Variants in SCN11A observed in about 807,000 individuals in gnomAD.
SCN11A encodes the protein sodium channel protein type 11 subunit alpha.
A neutral mutation model predicts 162.2 loss-of-function variants in SCN11A; 122 were observed. The observed-to-expected ratio is 0.75, with a 90% CI of 0.65 to 0.87. SCN11A has a LOEUF of 0.87. SCN11A is among the 40% of genes least tolerant of loss of function. The pLI is 0.00. For synonymous variants in SCN11A, 758 were observed against 751.5 expected (o/e 1.01, Z -0.14); for missense variants, 2,015 against 2,181.6 (o/e 0.92, Z 1.52).
chr3:38,950,440 G>T (rs2066595914), intron 4 of SCN11A, 71 bp from the exon 5 acceptor site: 11 of 1,486,948 alleles, frequency 7.4e-6, no homozygotes, highest in Non-Finnish European at 9.3e-6. Flanking sequence ...CCTGCCCTAG[G>T]ATTCCAGTCT....
rs549655375 is a variant in SCN11A, at chr3:39,049,221, G to A, written c.-404+2640C>T. On this transcript the variant is annotated intron_variant, in intron 1 of 29. Coordinates refer to ENST00000302328, the MANE Select transcript of SCN11A (RefSeq NM_001349253.2). ...TATCAAAAAGGGTTATCTCCCAGAA[G>A]GCACCATAGCTAAGTCTTCAATATA... Among the ~76,000 whole-genome samples the A allele has an allele frequency of 9.3e-4, 141 of 152,342 alleles. 1 individual carries two copies. The highest frequency in any genetic ancestry group is 3.4e-3 in the African/African-American group (140 of 41,578).
At chr3:38,866,206 CTT>C (rs35620716) in intron 27 of SCN11A, among the ~76,000 whole-genome samples, 5 of 143,574 alleles carry the variant, frequency 3.5e-5, no homozygotes, top group East Asian at 2.0e-4. Context: ...CTGAGAATTC[CTT>C]TTTTTTTTTT....
At chr3:38,922,264 T>G (rs1026220050) in intron 9 of SCN11A, among the ~76,000 whole-genome samples, 1 of 152,214 alleles carries the variant, frequency 6.6e-6, no homozygotes, top group Non-Finnish European at 1.5e-5. Context: ...TAACACCAGA[T>G]AGCAGGAACC....
Position 38,950,330 on chromosome 3 carries a change from T to C in SCN11A, c.33A>G (p.Pro11=). MDDRCYPVIF[P]DERNFRPFTS... is the part of the protein sequence containing the mutation. ...TGAAGGGGCGGAAATTCCGCTCATC[T>C]GGAAAGATTACTGGGTAGCATCTGT... Residue 11 remains proline, a synonymous_variant, in exon 5 of 30, where the codon CCA becomes CCG. Transcript: ENST00000302328. 1 of 1,613,932 alleles carries C rather than the reference T, an allele frequency of 6.2e-7. No homozygotes were observed. Among genetic ancestry groups the C allele is most frequent in the Non-Finnish European group, 8.5e-7 (1 of 1,179,998 alleles).
intron 11 of SCN11A, among the ~76,000 whole-genome samples, chr3:38,915,048 T>C (rs1220441400): frequency 2.0e-5 from 3 of 152,154 alleles, no homozygotes; most frequent in Non-Finnish European, 2.9e-5. Flanking sequence ...TCTGTAGGAA[T>C]GGTACCTGCT....
At chr3:38,970,466 T>C (rs2066810072) in intron 2 of SCN11A, among the ~76,000 whole-genome samples, 1 of 152,228 alleles carries the variant, frequency 6.6e-6, no homozygotes, top group Non-Finnish European at 1.5e-5. Context: ...TAAAGGTAAC[T>C]TTCTCTTTTA....
Position 38,896,991 on chromosome 3 carries a change from C to A in SCN11A, c.2257G>T (p.Asp753Tyr). 3 of 1,614,094 alleles carry A rather than the reference C, an allele frequency of 1.9e-6. No individual in the cohort carries two copies. The highest frequency in any genetic ancestry group is 2.5e-6 in the Non-Finnish European group (3 of 1,180,008). The change falls in exon 18 of 30, where the codon GAT becomes TAT. Residue 753 changes from aspartate to tyrosine, a missense_variant. Transcript: ENST00000302328. The part of the protein sequence containing the change: ...VSCLRHWHMG[D>Y]FWHSFLVVFR... ...ACCACTAGGAAGGAGTGCCAGAAAT[C>A]CCCCATGTGCCAGTGCCGTAAACAT...
intron 2 of SCN11A, among the ~76,000 whole-genome samples, chr3:39,010,774 C>G (rs771125957): frequency 2.0e-5 from 3 of 152,106 alleles, no homozygotes; most frequent in Non-Finnish European, 4.4e-5. Flanking sequence ...TCAGAGACCA[C>G]TGCAGTAAAT....
At chr3:38,934,318 A>G (rs2066293524) in intron 7 of SCN11A, among the ~76,000 whole-genome samples, 1 of 152,234 alleles carries the variant, frequency 6.6e-6, no homozygotes, top group African/African-American at 2.4e-5. Context: ...TGCATCAACT[A>G]ATGAGCAAAA....
chr3:38,850,603 T>C lies in SCN11A; in HGVS notation c.4205A>G (p.Asn1402Ser), dbSNP rs1400023171. The C allele has an allele frequency of 3.1e-6, 5 of 1,613,790 alleles. No homozygotes were observed. Among genetic ancestry groups the C allele is most frequent in the South Asian group, 1.1e-5 (1 of 91,062 alleles). Reference protein sequence around the residue: ...KAMKSILDHLNWVFVVIFTLE... With the variant: ...KAMKSILDHLSWVFVVIFTLE... The stretch of plus-strand genomic sequence containing the variant: ...CGTAAAGATGACCACAAAGACCCAG[T>C]TGAGATGGTCAAGGATGGATTTCAT... Residue 1402 changes from asparagine (N) to serine (S), a missense_variant, in exon 29 of 30, where the codon AAC becomes AGC. Coordinates refer to ENST00000302328, the MANE Select transcript of SCN11A (RefSeq NM_001349253.2).
chr3:38,994,343 C>T (rs1392803985), intron 2 of SCN11A, among the ~76,000 whole-genome samples: 7 of 152,160 alleles, frequency 4.6e-5, no homozygotes, highest in Admixed American at 4.6e-4. Flanking sequence ...GGATACTGAG[C>T]GTCACATTTA....
intron 26 of SCN11A, among the ~76,000 whole-genome samples, chr3:38,868,913 T>C (rs573354198): frequency 6.6e-6 from 1 of 152,086 alleles, no homozygotes; most frequent in African/African-American, 2.4e-5. Context: ...ACGGAGTTGA[T>C]AGCCATGGGC....
chr3:38,917,065 C>T (rs1226602763), intron 11 of SCN11A, among the ~76,000 whole-genome samples: 1 of 152,118 alleles, frequency 6.6e-6, no homozygotes, highest in East Asian at 1.9e-4. Context: ...CTATAAAGAC[C>T]AGTTGTACAT....
At chr3:38,912,459 TTTTC>T (rs138125688) in intron 11 of SCN11A, among the ~76,000 whole-genome samples, 12 of 152,210 alleles carry the variant, frequency 7.9e-5, no homozygotes, top group African/African-American at 2.4e-4. Flanking sequence ...CTCCAAATTT[TTTTC>T]TTTCTATTTA....
intron 2 of SCN11A, among the ~76,000 whole-genome samples, chr3:38,996,318 G>T (rs2030631188): frequency 6.6e-6 from 1 of 152,162 alleles, no homozygotes; most frequent in Admixed American, 6.5e-5. Flanking sequence ...GCATTATCCA[G>T]GGCAGGGAGT....
intron 7 of SCN11A, among the ~76,000 whole-genome samples, chr3:38,928,503 G>C (rs758928078): frequency 3.3e-5 from 5 of 152,058 alleles, no homozygotes; most frequent in Non-Finnish European, 7.4e-5. Flanking sequence ...AAACCTTCAT[G>C]TTCTGCACCT....
At chr3:38,951,967 C>T (rs1312023687) in intron 4 of SCN11A, among the ~76,000 whole-genome samples, 1 of 152,134 alleles carries the variant, frequency 6.6e-6, no homozygotes, top group Admixed American at 6.5e-5. Context: ...TCCCCTTCCA[C>T]ACTGTGGAAG....
chr3:38,873,589 G>A (rs2065162651), intron 23 of SCN11A, among the ~76,000 whole-genome samples: 1 of 152,124 alleles, frequency 6.6e-6, no homozygotes, highest in African/African-American at 2.4e-5. Context: ...GAAAACAGAT[G>A]GCAAAGTTTA....
chr3:38,857,536 C>T (rs1357614974), intron 28 of SCN11A, among the ~76,000 whole-genome samples: 1 of 151,900 alleles, frequency 6.6e-6, no homozygotes, highest in Non-Finnish European at 1.5e-5. Flanking sequence ...AATAATTGGT[C>T]TTCCTGATGA....
Sources: allele counts gnomAD v4.1 joint callset (sites outside exome capture counted in the v4.1 genomes callset), GRCh38; gene constraint gnomAD v4.1.1; transcripts MANE v1.5; gene names NCBI Gene and HGNC (gene_info 2026-07-23, HGNC 2026-07-21).